RDX: variants seen among roughly 807,000 people sequenced by gnomAD.
RDX encodes the protein radixin.
A neutral mutation model predicts 83.7 loss-of-function variants in RDX; 32 were observed. The ratio of observed to expected loss-of-function variants is 0.38; its 90% CI spans 0.29 to 0.51. The LOEUF (loss-of-function observed/expected upper bound fraction) is 0.51. Among genes scored for constraint, RDX ranks in the 20% least tolerant of loss-of-function variants. The pLI is 0.87. For missense variants in RDX, 600 were observed against 689.9 expected (o/e 0.87, Z 1.46); for synonymous variants, 229 against 222.7 (o/e 1.03, Z -0.25).
intron 3 of RDX, among the ~76,000 whole-genome samples, chr11:110,266,044 G>C (rs1317647850): frequency 6.6e-6 from 1 of 152,110 alleles, no homozygotes; most frequent in Admixed American, 6.5e-5. Flanking sequence ...GACTAAGTAG[G>C]CTGTGCGCAG....
chr11:110,264,943 C>T, intron 3 of RDX, 69 bp from the exon 4 acceptor site: 1 of 1,128,384 alleles, frequency 8.9e-7, no homozygotes, highest in Non-Finnish European at 1.3e-6. Flanking sequence ...GATGATACTA[C>T]ACTTCAAAAG....
At chr11:110,267,537 C>CACAT (rs1860101670) in intron 3 of RDX, among the ~76,000 whole-genome samples, 1 of 150,630 alleles carries the variant, frequency 6.6e-6, no homozygotes, top group Non-Finnish European at 1.5e-5. Flanking sequence ...CACACACACA[C>CACAT]ACACACACAC....
chr11:110,187,471 AGATCATGGTGCAGG>A (rs1430992449), intron 15 of RDX, among the ~76,000 whole-genome samples: 1 of 152,178 alleles, frequency 6.6e-6, no homozygotes, highest in Non-Finnish European at 1.5e-5. Context: ...TCCTGAGCAG[AGATCATGGTGCAGG>A]GGGCCATTTT....
At chr11:110,269,432 G>A (rs1003262585) in intron 3 of RDX, among the ~76,000 whole-genome samples, 2 of 152,152 alleles carry the variant, frequency 1.3e-5, no homozygotes, top group Non-Finnish European at 2.9e-5. Flanking sequence ...AGGACTTCAA[G>A]CACTCAGAGT....
In RDX at chr11:110,258,205, A is replaced by T; in HGVS notation, c.468-16T>A. 7 of 1,524,212 alleles carry T rather than the reference A, an allele frequency of 4.6e-6. No individual in the cohort carries two copies. Among genetic ancestry groups the T allele is most frequent in the Non-Finnish European group, 6.3e-6 (7 of 1,115,682 alleles). 94.4% of individuals were successfully genotyped at this position (1,524,212 alleles called of 1,614,324 possible). The stretch of plus-strand genomic sequence containing the variant: ...TTCCAATACACTAAGAGGACCAAAA[A>T]AAAAAAAAAATTATAATGACTTTAA... On this transcript the variant is annotated splice_polypyrimidine_tract_variant and intron_variant, in intron 5 of 13. Coordinates refer to ENST00000645495, the MANE Select transcript of RDX (RefSeq NM_002906.4).
chr11:110,215,762 AT>A (rs1864029538), intron 14 of RDX, among the ~76,000 whole-genome samples: 1 of 152,240 alleles, frequency 6.6e-6, no homozygotes, highest in South Asian at 2.1e-4. Flanking sequence ...AATAAAAAAG[AT>A]AAGGGCTTTC....
chr11:110,181,311 C>T (rs1862882354), intron 15 of RDX, among the ~76,000 whole-genome samples: 3 of 152,236 alleles, frequency 2.0e-5, no homozygotes, highest in South Asian at 4.1e-4. Flanking sequence ...TATAGGCACC[C>T]GCCACCACGC....
intron 14 of RDX, among the ~76,000 whole-genome samples, chr11:110,220,121 CA>C (rs1331017315): frequency 1.3e-5 from 2 of 152,140 alleles, no homozygotes; most frequent in Non-Finnish European, 2.9e-5. Flanking sequence ...GGCACACACT[CA>C]ACAAACATGG....
At chr11:110,189,016 T>C (rs1401517938) in intron 15 of RDX, among the ~76,000 whole-genome samples, 4 of 151,788 alleles carry the variant, frequency 2.6e-5, no homozygotes, top group Non-Finnish European at 5.9e-5. Flanking sequence ...ACATTGAATG[T>C]CAATGTTCTG....
intron 2 of RDX, among the ~76,000 whole-genome samples, chr11:110,274,319 C>T (rs539819792): frequency 8.5e-5 from 13 of 152,070 alleles, no homozygotes; most frequent in Non-Finnish European, 1.3e-4. Flanking sequence ...AATCACTAAC[C>T]TAAATTTTGT....
At chr11:110,253,211 A>G (rs1025032688) in intron 9 of RDX, among the ~76,000 whole-genome samples, 10 of 152,120 alleles carry the variant, frequency 6.6e-5, no homozygotes, top group East Asian at 5.8e-4. Context: ...TAAAATACAT[A>G]TGTTTAGGGC....
intron 1 of RDX, among the ~76,000 whole-genome samples, chr11:110,294,180 G>A (rs987686673): frequency 5.3e-5 from 8 of 152,250 alleles, no homozygotes; most frequent in African/African-American, 1.9e-4. Flanking sequence ...GAACGCCGGA[G>A]GTCCAGGAGT....
intron 2 of RDX, among the ~76,000 whole-genome samples, chr11:110,273,930 T>C (rs1860402346): frequency 2.0e-5 from 3 of 152,230 alleles, no homozygotes; most frequent in Admixed American, 1.3e-4. Context: ...ATGTATCTTT[T>C]TCCATCAGCC....
chr11:110,232,076 A>G (rs924063551), intron 13 of RDX, 43 bp from the exon 14 acceptor site: 1 of 1,454,528 alleles, frequency 6.9e-7, no homozygotes, highest in Non-Finnish European at 9.5e-7. Context: ...TTTTTCTTAG[A>G]TTTAAAAAAA....
chr11:110,234,474 ACAGT>A (rs1864761327), intron 12 of RDX, among the ~76,000 whole-genome samples: 1 of 152,214 alleles, frequency 6.6e-6, no homozygotes, highest in African/African-American at 2.4e-5. Flanking sequence ...AATAGTACAT[ACAGT>A]AAGATTTCAT....
intron 4 of RDX, 109 bp downstream of exon 4, chr11:110,264,668 CAG>C: frequency 4.4e-6 from 3 of 686,174 alleles, no homozygotes; most frequent in Non-Finnish European, 7.3e-6. Flanking sequence ...TAATGATTAA[CAG>C]ATAACTACAA....
intron 15 of RDX, chr11:110,195,893 G>C (rs1296142014): frequency 6.6e-6 from 1 of 152,232 alleles, no homozygotes; most frequent in Non-Finnish European, 1.5e-5. Context: ...TGGGACTGCA[G>C]GGTGCTGTGC....
intron 7 of RDX, 78 bp downstream of exon 7, chr11:110,257,689 T>G: frequency 6.8e-7 from 1 of 1,471,912 alleles, no homozygotes; most frequent in Non-Finnish European, 9.5e-7. Context: ...AGAAACTACT[T>G]TGAAAAACAG....
At chr11:110,199,415 A>G (rs1863317781) in intron 15 of RDX, among the ~76,000 whole-genome samples, 1 of 152,244 alleles carries the variant, frequency 6.6e-6, no homozygotes, top group African/African-American at 2.4e-5. Flanking sequence ...GAGGCTGTAA[A>G]GATAGAGGTT....
Sources: gnomAD v4.1 joint callset for allele counts (sites outside exome capture counted in the v4.1 genomes callset) on GRCh38, gnomAD v4.1.1 for gene constraint, MANE v1.5 for transcripts, NCBI Gene and HGNC (gene_info 2026-07-23, HGNC 2026-07-21) for gene names.